USP14: variants seen among roughly 807,000 people sequenced by gnomAD.
USP14 encodes ubiquitin carboxyl-terminal hydrolase 14.
Under a neutral mutation model 76.5 loss-of-function variants are expected in USP14, and 38 were observed. That is an observed-to-expected ratio of 0.50 (90% CI 0.38 to 0.65). USP14 has a LOEUF of 0.65. Among genes scored for constraint, USP14 ranks in the 30% least tolerant of loss-of-function variants. USP14 has a pLI of 0.00. For missense variants in USP14, 467 were observed against 586.5 expected, an observed-to-expected ratio of 0.80 and a Z score of 2.10; for synonymous variants, 192 against 191.7, an observed-to-expected ratio of 1.00 and a Z score of -0.01.
chr18:175,704 A>G (rs559069809), intron 3 of USP14, among the ~76,000 whole-genome samples: 1 of 152,118 alleles, frequency 6.6e-6, no homozygotes, highest in South Asian at 2.1e-4. Context: ...CTATCAGTGT[A>G]ATGTTAGTCT....
At chr18:181,061 A>G (rs1489994533) in intron 5 of USP14, among the ~76,000 whole-genome samples, 4 of 152,232 alleles carry the variant, frequency 2.6e-5, no homozygotes, top group Admixed American at 6.5e-5. Flanking sequence ...TTCATGTTAC[A>G]GCACACGTAA....
chr18:186,611 G>C (rs1326182381), intron 5 of USP14, among the ~76,000 whole-genome samples: 1 of 152,054 alleles, frequency 6.6e-6, no homozygotes, highest in East Asian at 1.9e-4. Flanking sequence ...AAATTAGCCA[G>C]GTTTGGTGGC....
intron 10 of USP14, 81 bp downstream of exon 10, chr18:199,397 T>C (rs1371867580): frequency 3.1e-6 from 3 of 973,948 alleles, no homozygotes; most frequent in Non-Finnish European, 4.8e-6. Context: ...CACTGGGCTT[T>C]AATGGTCATT....
intron 6 of USP14, among the ~76,000 whole-genome samples, chr18:195,073 C>G (rs1910194120): frequency 6.6e-6 from 1 of 151,552 alleles, no homozygotes. Context: ...GTTTAAGATC[C>G]CACATTGCAT....
chr18:179,136 A>G, intron 4 of USP14, 99 bp downstream of exon 4: 4 of 734,752 alleles, frequency 5.4e-6, no homozygotes, highest in Non-Finnish European at 2.2e-6. Context: ...TTGAAGACTT[A>G]ATCATTAATA....
chr18:194,988 C>T (rs1420632278), intron 6 of USP14, among the ~76,000 whole-genome samples: 1 of 151,700 alleles, frequency 6.6e-6, no homozygotes, highest in African/African-American at 2.4e-5. Flanking sequence ...AAAATACAGT[C>T]TTTATTCAGA....
At chr18:193,651 C>T (rs1357286030) in intron 6 of USP14, among the ~76,000 whole-genome samples, 1 of 152,124 alleles carries the variant, frequency 6.6e-6, no homozygotes, top group Non-Finnish European at 1.5e-5. Flanking sequence ...CTAGATTTGC[C>T]TACTCTGGAC....
Position 208,699 on chromosome 18 carries a change from G to A in USP14, c.1165-1272G>A, listed in dbSNP as rs191572282. Among the ~76,000 whole-genome samples, 286 of 152,170 alleles carry A rather than the reference G, an allele frequency of 1.9e-3. 2 individuals are homozygous for A. The highest frequency in any genetic ancestry group is 6.2e-3 in the African/African-American group (259 of 41,536). On this transcript the variant is annotated intron_variant, in intron 13 of 15. Coordinates refer to ENST00000261601, the MANE Select transcript of USP14 (RefSeq NM_005151.4). ...GTTATGTTTCTGTTGATTCTAGTTT[G>A]ATGCCATTGTGGTGACAGAACACAC...
At chr18:168,875 TC>T (rs1301260099) in intron 3 of USP14, among the ~76,000 whole-genome samples, 2 of 148,232 alleles carry the variant, frequency 1.3e-5, no homozygotes, top group African/African-American at 5.0e-5. Flanking sequence ...ATCGAGACCA[TC>T]CTGGCTAACA....
At chr18:169,140 C>T (rs1422905915) in intron 3 of USP14, among the ~76,000 whole-genome samples, 2 of 149,932 alleles carry the variant, frequency 1.3e-5, no homozygotes. Context: ...CCTGTAATCC[C>T]AGCACTTTGG....
At chr18:181,293 T>G (rs575431291) in intron 5 of USP14, among the ~76,000 whole-genome samples, 1 of 152,334 alleles carries the variant, frequency 6.6e-6, no homozygotes, top group Non-Finnish European at 1.5e-5. Flanking sequence ...TTTTCCAAAG[T>G]GACGGTACCA....
Position 211,192 on chromosome 18 carries a change from C to A in USP14, c.1393C>A (p.Arg465=). The A allele has an allele frequency of 1.2e-6, 2 of 1,613,902 alleles. No individual in the cohort carries two copies. The highest frequency in any genetic ancestry group is 2.2e-5 in the East Asian group (1 of 44,866). The change falls in exon 16 of 16, where the codon CGG becomes AGG. Residue 465 remains arginine (R), a synonymous_variant. Transcript: ENST00000261601. The part of the protein sequence containing the change: ...VSIVTPEDIL[R]LSGGGDWHIA... ...CATCGTAACACCAGAAGATATCTTA[C>A]GGCTTTCTGGTGGTGGAGACTGGCA... is the stretch of plus-strand genomic sequence containing the variant.
At position 191,951 on chromosome 18, in the gene USP14, A is replaced by G. The variant is rs114319796; in HGVS notation, c.405-891A>G. Among the ~76,000 whole-genome samples, 1,098 of 152,276 alleles carry G rather than the reference A, an allele frequency of 7.2e-3. 13 individuals carry two copies. Among genetic ancestry groups the G allele is most frequent in the African/African-American group, 0.026 (1,061 of 41,554 alleles). ...ATAAGACATTGTGTGAGTAATGACT[A>G]TGGTTTGAATAGTCATTTGAAAAGG... On this transcript the variant is annotated intron_variant, in intron 5 of 15. Coordinates refer to ENST00000261601, the MANE Select transcript of USP14 (RefSeq NM_005151.4).
chr18:185,209 C>T (rs1206028367), intron 5 of USP14, among the ~76,000 whole-genome samples: 2 of 151,988 alleles, frequency 1.3e-5, no homozygotes, highest in African/African-American at 4.8e-5. Flanking sequence ...ACCCAGGCTG[C>T]AGTGCAGTGG....
chr18:197,943 G>T, intron 8 of USP14, 104 bp from the exon 9 acceptor site: 1 of 963,942 alleles, frequency 1.0e-6, no homozygotes. Flanking sequence ...TTACTGTAAG[G>T]GACTACATTT....
rs759421947 is a variant in USP14, at chr18:214,591, T to TATCA, written c.*3308_*3311dup. The TATCA allele has an allele frequency of 3.9e-6, 6 of 1,544,782 alleles. No homozygotes were observed. The highest frequency in any genetic ancestry group is 1.7e-4 in the Middle Eastern group (1 of 5,770). ...TCAAATGCTGCTTGGTAACAAAATC[T>TATCA]ATCACAGTTTTAATAAAAAGAAAAA... On this transcript the variant is annotated 3_prime_UTR_variant, in exon 16 of 16. Coordinates refer to ENST00000261601, the MANE Select transcript of USP14 (RefSeq NM_005151.4).
intron 15 of USP14, 133 bp downstream of exon 15, chr18:210,626 G>C: frequency 1.9e-6 from 1 of 523,418 alleles, no homozygotes; most frequent in South Asian, 3.8e-5. Flanking sequence ...AAGAGCTTTG[G>C]TTTATGAGGT....
rs1429780202 is a variant in USP14 at position 212,637 on chromosome 18, C to G, written c.*1353C>G. 1 of 151,914 alleles carries G rather than the reference C, an allele frequency of 6.6e-6. No individual in the cohort carries two copies. Among genetic ancestry groups the G allele is most frequent in the East Asian group, 1.9e-4 (1 of 5,172 alleles). 9.4% of individuals were successfully genotyped at this position (151,914 alleles called of 1,614,324 possible). On this transcript the variant is annotated 3_prime_UTR_variant, in exon 16 of 16. Coordinates refer to ENST00000261601, the MANE Select transcript of USP14 (RefSeq NM_005151.4). ...AGAAAAAATTCCCAAATCTTAATGT[C>G]TGTTTCAGAATTTTAGTGATTTTAA...
Position 197,682 on chromosome 18 carries a change from G to C in USP14, c.661G>C (p.Asp221His). The change falls in exon 8 of 16, where the codon GAT (aspartate) becomes CAT (histidine). Residue 221 changes from aspartate (D) to histidine (H), a missense_variant. Coordinates refer to ENST00000261601, the MANE Select transcript of USP14 (RefSeq NM_005151.4). Reference protein sequence around the residue: ...LQQKLEAIEDDSVKETDSSSA... With the variant: ...LQQKLEAIEDHSVKETDSSSA... The stretch of plus-strand genomic sequence containing the variant: ...ACAGAAATTGGAAGCAATAGAGGAT[G>C]ATTCTGTTAAAGAGGTAATTGAAAT... The C allele has an allele frequency of 1.2e-6, 2 of 1,611,314 alleles. No homozygotes were observed. The highest frequency in any genetic ancestry group is 1.7e-6 in the Non-Finnish European group (2 of 1,178,484).
Sources: gnomAD v4.1 joint callset for allele counts (sites outside exome capture counted in the v4.1 genomes callset) on GRCh38, gnomAD v4.1.1 for gene constraint, MANE v1.5 for transcripts, NCBI Gene and HGNC (gene_info 2026-07-23, HGNC 2026-07-21) for gene names.